Variants in F10 observed in about 807,000 individuals in gnomAD.
F10 encodes the protein Stuart-Prower factor.
Under a neutral mutation model 37.1 loss-of-function variants are expected in F10, and 29 were observed. The observed-to-expected ratio is 0.78, with a 90% confidence interval of 0.58 to 1.07. F10 has a LOEUF of 1.07. Among genes scored for constraint, F10 ranks in the 50% least tolerant of loss-of-function variants. The probability of loss-of-function intolerance (pLI) is 0.00; values close to 1 mark genes in which losing one functional copy is unlikely to be tolerated. For synonymous variants in F10, 262 were observed against 268.6 expected (o/e 0.98, Z 0.24); for missense variants, 539 against 667.9 (o/e 0.81, Z 2.13).
chr13:113,130,785 A>G (rs1248487637), intron 2 of F10: 1 of 152,300 alleles, frequency 6.6e-6, no homozygotes, highest in Non-Finnish European at 1.5e-5. Flanking sequence ...TTCACCTTCT[A>G]ATGACCCCTG....
In F10 at chr13:113,122,932, GC is replaced by G; in HGVS notation, c.70+11del. 6.2e-7 allele frequency: 1 copy of G among 1,608,772 alleles called. No individual in the cohort carries two copies. ...CTGCTGCTCGGGGAAAGTCGTAAGT[GC>G]CCCTCGCCCTTCAGACCCAAAAGCA... is the stretch of plus-strand genomic sequence containing the variant. On this transcript the variant is annotated splice_region_variant and intron_variant, in intron 1 of 7. Transcript: ENST00000375559.
Position 113,144,858 on chromosome 13 carries a change from C to T in F10, c.747+763C>T, listed in dbSNP as rs887324872. Among the ~76,000 whole-genome samples the T allele has an allele frequency of 9.3e-5, 14 of 150,658 alleles. No individual in the cohort carries two copies. The highest frequency in any genetic ancestry group is 2.1e-4 in the South Asian group (1 of 4,800). Reference sequence around the variant, plus strand: ...ACTCCCAAGTAGCTGGAATTACGGGCGCCCGCTACTTACGCCTGGCTAATT... The same window carrying T: ...ACTCCCAAGTAGCTGGAATTACGGGTGCCCGCTACTTACGCCTGGCTAATT... On this transcript the variant is annotated intron_variant, in intron 6 of 7. Coordinates refer to ENST00000375559, the MANE Select transcript of F10 (RefSeq NM_000504.4). The surrounding 1 kb of genome is among the most constrained non-coding windows in gnomAD (Gnocchi z 6.4).
chr13:113,134,157 A>T (rs2036458059), intron 2 of F10, among the ~76,000 whole-genome samples: 1 of 152,252 alleles, frequency 6.6e-6, no homozygotes, highest in African/African-American at 2.4e-5. Context: ...ATTCAACATT[A>T]TACTGGAAGT....
Position 113,142,388 on chromosome 13 carries a change from A to C in F10, c.502+1338A>C, listed in dbSNP as rs866015765. On this transcript the variant is annotated intron_variant, in intron 5 of 7. Coordinates refer to ENST00000375559, the MANE Select transcript of F10 (RefSeq NM_000504.4). Reference sequence around the variant, plus strand: ...AACCCCGTCTCTAGTAAAAATACAAAAAAAAAAAAAAATTAGCTGGGCATG... The same window carrying C: ...AACCCCGTCTCTAGTAAAAATACAACAAAAAAAAAAAATTAGCTGGGCATG... 6.3e-3 allele frequency among the ~76,000 whole-genome samples: 918 copies of C among 146,744 alleles called. 11 individuals carry two copies. The highest frequency in any genetic ancestry group is 0.01 in the Non-Finnish European group (664 of 65,926).
In F10 at chr13:113,144,963, C is replaced by T. The variant is rs1307992089; in HGVS notation, c.747+868C>T. On this transcript the variant is annotated intron_variant, in intron 6 of 7. Coordinates refer to ENST00000375559, the MANE Select transcript of F10 (RefSeq NM_000504.4). The surrounding 1 kb of genome is among the most constrained non-coding windows in gnomAD (Gnocchi z 6.4). Reference sequence around the variant, plus strand: ...GCGCGATCTCGGCTCACTGCAACCTCCACCTCCCAGGTTCATGTCATTCTC... The same window carrying T: ...GCGCGATCTCGGCTCACTGCAACCTTCACCTCCCAGGTTCATGTCATTCTC... Among the ~76,000 whole-genome samples the T allele has an allele frequency of 3.3e-5, 5 of 152,230 alleles. No homozygotes were observed. Among genetic ancestry groups the T allele is most frequent in the African/African-American group, 9.6e-5 (4 of 41,520 alleles).
At chr13:113,145,385 A>G (rs2036573428) in intron 6 of F10, among the ~76,000 whole-genome samples, 1 of 152,222 alleles carries the variant, frequency 6.6e-6, no homozygotes, top group Non-Finnish European at 1.5e-5. Flanking sequence ...AAAGCACAAT[A>G]CTTTCAATTA....
intron 4 of F10, chr13:113,140,495 CATTTGGTAACTT>C (rs1452026885): frequency 1.9e-5 from 9 of 475,022 alleles, no homozygotes; most frequent in Non-Finnish European, 3.9e-5. Flanking sequence ...CCTGGAACAC[CATTTGGTAACTT>C]ATGAGGCATA....
rs2036583467 is a variant in F10 at position 113,146,438 on chromosome 13, G to A, written c.748-941G>A. On this transcript the variant is annotated intron_variant, in intron 6 of 7. Coordinates refer to ENST00000375559, the MANE Select transcript of F10 (RefSeq NM_000504.4). This position sits in a 1 kb window ranked among gnomAD's most constrained non-coding sequence, Gnocchi z 4.5. ...GGTTCCTGGGCTGGGGGACCAGGGT[G>A]GGGCGCCCTGGAGGGCTCACTGGAG... 6.6e-6 allele frequency among the ~76,000 whole-genome samples: 1 copy of A among 152,148 alleles called. No individual in the cohort carries two copies. The highest frequency in any genetic ancestry group is 2.4e-5 in the African/African-American group (1 of 41,420).
intron 2 of F10, among the ~76,000 whole-genome samples, chr13:113,133,751 T>C (rs1195252083): frequency 1.3e-5 from 2 of 152,176 alleles, no homozygotes; most frequent in East Asian, 3.8e-4. Context: ...ATATCTCTCA[T>C]GAATCTAGAC....
chr13:113,145,027 T>C lies in F10; in HGVS notation c.747+932T>C, dbSNP rs9577466. ...CCGAGTAGCTGGGACTACAGGCGCC[T>C]GCCACCACGCCCAGCTAATTTTTTT... On this transcript the variant is annotated intron_variant, in intron 6 of 7. Coordinates refer to ENST00000375559, the MANE Select transcript of F10 (RefSeq NM_000504.4). 2.5e-3 allele frequency among the ~76,000 whole-genome samples: 377 copies of C among 152,210 alleles called. 3 individuals carry two copies. The highest frequency in any genetic ancestry group is 0.023 in the East Asian group (118 of 5,176).
At chr13:113,140,675 G>C (rs1206252675) in intron 4 of F10, 1 of 683,632 alleles carries the variant, frequency 1.5e-6, no homozygotes, top group Middle Eastern at 2.4e-4. Flanking sequence ...GGCCATCCCG[G>C]AGGTGTGAGG....
At chr13:113,124,192 G>T (rs796302731) in intron 1 of F10, among the ~76,000 whole-genome samples, 1 of 152,202 alleles carries the variant, frequency 6.6e-6, no homozygotes, top group Non-Finnish European at 1.5e-5. Flanking sequence ...AAGCTGCTCT[G>T]GCTTATTGGG....
At chr13:113,134,597 G>A (rs1365577512) in intron 2 of F10, among the ~76,000 whole-genome samples, 2 of 152,156 alleles carry the variant, frequency 1.3e-5, no homozygotes, top group South Asian at 2.1e-4. Flanking sequence ...TACACATGGG[G>A]ATTATGGGAA....
chr13:113,142,395 A>G (rs1248867809), intron 5 of F10, among the ~76,000 whole-genome samples: 1 of 150,798 alleles, frequency 6.6e-6, no homozygotes, highest in African/African-American at 2.4e-5. Flanking sequence ...CAAAAAAAAA[A>G]AAAAATTAGC....
chr13:113,138,053 G>A (rs2036495473), intron 2 of F10, among the ~76,000 whole-genome samples: 2 of 152,198 alleles, frequency 1.3e-5, no homozygotes, highest in Admixed American at 1.3e-4. Context: ...AATCAGCAAT[G>A]AATATTTTTC....
At position 113,138,319 on chromosome 13, in the gene F10, T is replaced by C. The variant is rs1595092838; in HGVS notation, c.232-138T>C. 1.1e-5 allele frequency: 6 copies of C among 541,420 alleles called. No homozygotes were observed. In the East Asian group the frequency reaches 1.8e-4, roughly 17 times the overall value. The allele number at this position is 541,420 out of a possible 1,614,324, so 33.5% of individuals were successfully genotyped here. A position where few individuals can be genotyped will look rare whatever the true frequency, so the allele number is the denominator to read the frequency against. The stretch of plus-strand genomic sequence containing the variant: ...CTTTCCTCTTTAGATTGAATAGTTC[T>C]AGAACAATTCATTCCTAAAAGTGAC... On this transcript the variant is annotated intron_variant, in intron 2 of 7. Coordinates refer to ENST00000375559, the MANE Select transcript of F10 (RefSeq NM_000504.4).
chr13:113,124,163 G>A (rs911910508), intron 1 of F10, among the ~76,000 whole-genome samples: 15 of 151,748 alleles, frequency 9.9e-5, no homozygotes, highest in Admixed American at 2.0e-4. Flanking sequence ...GAGGCCCTAA[G>A]CCCGGCCCGG....
chr13:113,139,367 G>C lies in F10; in HGVS notation c.267G>C (p.Gln89His), dbSNP rs201053569. The change falls in exon 4 of 8, where the codon CAG becomes CAC. Residue 89 changes from glutamine to histidine, a missense_variant. Gln to His is a conservative substitution (Grantham distance 24). This residue lies in a region of F10 where 130 missense variants were observed against 120.0 expected (regional missense o/e 1.08). Coordinates refer to ENST00000375559, the MANE Select transcript of F10 (RefSeq NM_000504.4). This position sits in a 1 kb window ranked among gnomAD's most constrained non-coding sequence, Gnocchi z 5.2. ...EFWNKYKDGD[Q>H]CETSPCQNQG... ...ATCCTCTCTTTGCAGATGGCGACCA[G>C]TGTGAGACCAGTCCTTGCCAGAACC... 6.2e-7 allele frequency: 1 copy of C among 1,613,890 alleles called. No homozygotes were observed. The highest frequency in any genetic ancestry group is 2.2e-5 in the East Asian group (1 of 44,880).
intron 5 of F10, among the ~76,000 whole-genome samples, chr13:113,142,924 C>T (rs924636177): frequency 2.0e-5 from 3 of 151,304 alleles, no homozygotes; most frequent in African/African-American, 7.3e-5. Flanking sequence ...AAGAGAGAAA[C>T]TCCATCTCAA....
Sources: allele counts gnomAD v4.1 joint callset (sites outside exome capture counted in the v4.1 genomes callset), GRCh38; gene constraint gnomAD v4.1.1; regional missense constraint gnomAD v4.1.1; non-coding constraint Gnocchi (gnomAD v3.1); transcripts MANE v1.5; gene names NCBI Gene and HGNC (gene_info 2026-07-23, HGNC 2026-07-21).